The following KIRREL3 variants were observed in gnomAD, a reference collection of about 807,000 sequenced individuals.
KIRREL3 encodes kirre like nephrin family adhesion molecule 3, also known as kin of IRRE-like protein 3.
Under a neutral mutation model 89.7 loss-of-function variants are expected in KIRREL3, and 36 were observed. The observed-to-expected ratio is 0.40, with a 90% CI of 0.31 to 0.53. KIRREL3 has a LOEUF of 0.53. Among genes scored for constraint, KIRREL3 ranks in the 20% least tolerant of loss-of-function variants. The pLI is 0.49. For missense variants in KIRREL3, 864 were observed against 1,056.6 expected, an observed-to-expected ratio of 0.82 and a Z score of 2.53; for synonymous variants, 445 against 441.4, an observed-to-expected ratio of 1.01 and a Z score of -0.10.
chr11:126,452,364 A>G (rs115638553), intron 7 of KIRREL3, among the ~76,000 whole-genome samples: 1,720 of 152,306 alleles, frequency 0.011, 33 homozygotes, highest in African/African-American at 0.039. Context: ...AGGCACAGCT[A>G]GGGAAGTGTG....
intron 1 of KIRREL3, among the ~76,000 whole-genome samples, chr11:126,604,280 A>G (rs1318072271): frequency 6.6e-6 from 1 of 152,192 alleles, no homozygotes; most frequent in East Asian, 1.9e-4. Flanking sequence ...GGGAATGGGC[A>G]GGAAGACCAC....
Position 126,883,364 on chromosome 11 carries a change from A to T in KIRREL3, c.55+117091T>A, listed in dbSNP as rs971239139. Among the ~76,000 whole-genome samples the T allele has an allele frequency of 2.0e-5, 3 of 152,110 alleles. No homozygotes were observed. In the East Asian group the frequency reaches 5.8e-4, roughly 29 times the overall value. ...TATAGCCTCTTCCCAACAAATGCTC[A>T]TTGTCGCACTTCCTGTCACCTCTCT... On this transcript the variant is annotated intron_variant, in intron 1 of 16. Coordinates refer to ENST00000525144, the MANE Select transcript of KIRREL3 (RefSeq NM_032531.4). The surrounding 1 kb of genome is among the most constrained non-coding windows in gnomAD (Gnocchi z 4.1).
chr11:126,512,970 A>T (rs1226516210), intron 4 of KIRREL3, among the ~76,000 whole-genome samples: 1 of 152,108 alleles, frequency 6.6e-6, no homozygotes, highest in Non-Finnish European at 1.5e-5. Flanking sequence ...TCACAGCTGG[A>T]TGGTGGCAGG....
intron 1 of KIRREL3, among the ~76,000 whole-genome samples, chr11:126,646,892 A>G (rs1565617381): frequency 1.3e-5 from 2 of 152,150 alleles, no homozygotes; most frequent in Non-Finnish European, 2.9e-5. Flanking sequence ...ATGTTGAGAC[A>G]ACGTTTTTCC....
rs543489574 is a variant in KIRREL3 at position 126,652,352 on chromosome 11, A to G, written c.56-89440T>C. On this transcript the variant is annotated intron_variant, in intron 1 of 16. Transcript: ENST00000525144. The surrounding 1 kb of genome is among the most constrained non-coding windows in gnomAD (Gnocchi z 4.9). The stretch of plus-strand genomic sequence containing the variant: ...ACTTAGGGCACAAAGAAGAACCAAG[A>G]CAGGAGAGGAAGCCTGGGCCAAGCC... 6.6e-6 allele frequency among the ~76,000 whole-genome samples: 1 copy of G among 152,276 alleles called. No individual in the cohort carries two copies. The highest frequency in any genetic ancestry group is 2.1e-4 in the South Asian group (1 of 4,814).
At position 126,477,084 on chromosome 11, in the gene KIRREL3, A is replaced by G. The variant is rs1019752001; in HGVS notation, c.434-3618T>C. 6.6e-6 allele frequency among the ~76,000 whole-genome samples: 1 copy of G among 152,250 alleles called. No homozygotes were observed. Among genetic ancestry groups the G allele is most frequent in the Non-Finnish European group, 1.5e-5 (1 of 68,038 alleles). ...GGGGAGGACTGAGCGGATCCCAGGC[A>G]GAGTGGGTCCCCAGAGCTGGAAGCC... is the stretch of plus-strand genomic sequence containing the variant. On this transcript the variant is annotated intron_variant, in intron 4 of 16. Transcript: ENST00000525144. The surrounding 1 kb of genome is among the most constrained non-coding windows in gnomAD (Gnocchi z 4.8).
At chr11:126,604,634 G>A (rs184135782) in intron 1 of KIRREL3, among the ~76,000 whole-genome samples, 51 of 152,286 alleles carry the variant, frequency 3.3e-4, no homozygotes, top group Admixed American at 2.5e-3. Context: ...TGTCCTGTGG[G>A]CCACATGGGG....
chr11:126,922,104 G>A (rs12791183), intron 1 of KIRREL3, among the ~76,000 whole-genome samples: 1 of 119,006 alleles, frequency 8.4e-6, no homozygotes, highest in Non-Finnish European at 1.8e-5. Flanking sequence ...TCTATCTATC[G>A]ATCTATCTAT....
At position 126,551,325 on chromosome 11, in the gene KIRREL3, G is replaced by C. The variant is rs1035273183; in HGVS notation, c.133+11510C>G. 1.2e-4 allele frequency among the ~76,000 whole-genome samples: 19 copies of C among 152,128 alleles called. No homozygotes were observed. Among genetic ancestry groups the C allele is most frequent in the Admixed American group, 2.6e-4 (4 of 15,274 alleles). ...AATCAGAAAGTGGTGAAAGGTTAGA[G>C]TCCTGCGATGGGGCAGGGGAAAGGA... On this transcript the variant is annotated intron_variant, in intron 2 of 16. Coordinates refer to ENST00000525144, the MANE Select transcript of KIRREL3 (RefSeq NM_032531.4). The surrounding 1 kb of genome is among the most constrained non-coding windows in gnomAD (Gnocchi z 4.9).
rs1565423109 is a variant in KIRREL3, at chr11:126,923,184, CTTCTCTTCTTCTTCTTCT to C, written c.55+77253_55+77270del. 2.6e-4 allele frequency among the ~76,000 whole-genome samples: 6 copies of C among 22,782 alleles called. 1 individual carries two copies. The highest frequency in any genetic ancestry group is 4.3e-4 in the Non-Finnish European group (5 of 11,662). 14.9% of individuals were successfully genotyped at this position (22,782 alleles called of 152,430 possible). On this transcript the variant is annotated intron_variant, in intron 1 of 16. Transcript: ENST00000525144. The stretch of plus-strand genomic sequence containing the variant: ...TTCTTCTTCTTCTTCTTCTCTTCTT[CTTCTCTTCTTCTTCTTCT>C]TCTTCTTCTTCTTCTTCTTCTTCTT...
Position 126,471,080 on chromosome 11 carries a change from G to A in KIRREL3, c.591+2229C>T, listed in dbSNP as rs140012514. 6.4e-3 allele frequency among the ~76,000 whole-genome samples: 980 copies of A among 152,228 alleles called. 9 individuals are homozygous for A. The highest frequency in any genetic ancestry group is 0.014 in the Middle Eastern group (4 of 294). ...GCCGTTGAAAAGACAGTTTGCGGCC[G>A]GGCGCAGTGGCTCAGTCCTGTAATC... On this transcript the variant is annotated intron_variant, in intron 5 of 16. Transcript: ENST00000525144. This position sits in a 1 kb window ranked among gnomAD's most constrained non-coding sequence, Gnocchi z 5.4.
intron 1 of KIRREL3, among the ~76,000 whole-genome samples, chr11:126,793,759 G>A (rs547863556): frequency 3.3e-5 from 5 of 152,350 alleles, no homozygotes; most frequent in Admixed American, 1.3e-4. Context: ...GGAGTGGACC[G>A]GAAGCGTGCT....
At position 126,498,418 on chromosome 11, in the gene KIRREL3, C is replaced by T. The variant is rs1163738982; in HGVS notation, c.433+22897G>A. On this transcript the variant is annotated intron_variant, in intron 4 of 16. Coordinates refer to ENST00000525144, the MANE Select transcript of KIRREL3 (RefSeq NM_032531.4). This position sits in a 1 kb window ranked among gnomAD's most constrained non-coding sequence, Gnocchi z 4.3. ...CCGACCCTGCGATTGTGTTCCTAAT[C>T]AGCCAGTGTATCAGGAAAGACCTGC... Among the ~76,000 whole-genome samples the T allele has an allele frequency of 6.6e-6, 1 of 152,212 alleles. No individual in the cohort carries two copies. The highest frequency in any genetic ancestry group is 2.4e-5 in the African/African-American group (1 of 41,452).
intron 1 of KIRREL3, among the ~76,000 whole-genome samples, chr11:126,759,316 G>C (rs184587656): frequency 1.3e-5 from 2 of 152,236 alleles, no homozygotes; most frequent in East Asian, 3.9e-4. Flanking sequence ...TTTTAGTTGA[G>C]ATAGGGTTTC....
chr11:126,923,266 TCTCCTTCTCCTTCTCCTTCTCCTTCTC>T (rs1947528797), intron 1 of KIRREL3, among the ~76,000 whole-genome samples: 22 of 79,128 alleles, frequency 2.8e-4, no homozygotes, highest in Admixed American at 3.9e-4. Flanking sequence ...TTCTTCTTCT[TCTCCTTCTCCTTCTCCTTCTCCTTCTC>T]CTTCTTCCTT....
Position 126,442,099 on chromosome 11 carries a change from C to T in KIRREL3, c.1253-1550G>A, listed in dbSNP as rs377354218. On this transcript the variant is annotated intron_variant, in intron 10 of 16. Coordinates refer to ENST00000525144, the MANE Select transcript of KIRREL3 (RefSeq NM_032531.4). ...CAGCCTGGCCAATATGGTGAAACCC[C>T]GTCTGTACTAAAAATACAAAAATTT... Among the ~76,000 whole-genome samples the T allele has an allele frequency of 9.2e-5, 14 of 151,728 alleles. No individual in the cohort carries two copies. In the South Asian group the frequency reaches 2.7e-3, roughly 30 times the overall value.
chr11:126,963,326 C>CACAG (rs1353267504), intron 1 of KIRREL3, among the ~76,000 whole-genome samples: 6 of 151,302 alleles, frequency 4.0e-5, no homozygotes, highest in African/African-American at 1.5e-4. Context: ...CACACACACA[C>CACAG]ACACACACAG....
intron 12 of KIRREL3, among the ~76,000 whole-genome samples, chr11:126,436,097 C>G (rs1955322259): frequency 6.6e-6 from 1 of 152,224 alleles, no homozygotes; most frequent in Non-Finnish European, 1.5e-5. Context: ...ATCTGAGCCT[C>G]TTTGACCAGG....
At position 126,752,779 on chromosome 11, in the gene KIRREL3, G is replaced by C. The variant is rs1946087; in HGVS notation, c.56-189867C>G. ...GTGAAGAGCATGGAAAAAAACAATT[G>C]GTTTTGCATGTTTCCTTGGGAATTT... On this transcript the variant is annotated intron_variant, in intron 1 of 16. Transcript: ENST00000525144. This position sits in a 1 kb window ranked among gnomAD's most constrained non-coding sequence, Gnocchi z 4.8. Among the ~76,000 whole-genome samples the C allele has an allele frequency of 0.36, 54,451 of 152,048 alleles. 10,995 individuals carry two copies. Among genetic ancestry groups the C allele is most frequent in the East Asian group, 0.83 (4,286 of 5,166 alleles).
Sources: gnomAD v4.1 joint callset for allele counts (sites outside exome capture counted in the v4.1 genomes callset) on GRCh38, gnomAD v4.1.1 for gene constraint, Gnocchi (gnomAD v3.1) non-coding constraint, MANE v1.5 for transcripts, NCBI Gene and HGNC (gene_info 2026-07-23, HGNC 2026-07-21) for gene names.